The following DMD variants were observed in gnomAD, a reference collection of about 807,000 sequenced individuals.
DMD encodes the protein mutant dystrophin.
DMD carries 63 observed loss-of-function variants against 330.1 expected under a neutral mutation model. That is an observed-to-expected ratio of 0.19 (90% CI 0.16 to 0.24). The LOEUF (loss-of-function observed/expected upper bound fraction) is 0.24, where lower values mean the gene tolerates loss of function less well. Ranked by LOEUF, DMD falls within the 10% of genes least tolerant of loss-of-function variation. The pLI is 1.00. For missense variants in DMD, 3,344 were observed against 2,684.1 expected (o/e 1.25, Z -5.43); for synonymous variants, 1,223 against 959.8 (o/e 1.27, Z -5.07).
chrX:32,991,006 G>A, intron 2 of DMD, among the ~76,000 whole-genome samples: 1 of 111,039 alleles, frequency 9.0e-6, no homozygotes, highest in East Asian at 2.8e-4. Context: ...GGACCATTCT[G>A]GAGACTGCTT....
intron 1 of DMD, among the ~76,000 whole-genome samples, chrX:33,285,708 T>C (rs1240919169): frequency 8.9e-6 from 1 of 111,824 alleles, no homozygotes; most frequent in East Asian, 2.8e-4. Context: ...TGAGGCCTGA[T>C]TCAACTTGGA....
chrX:32,659,817 G>A (rs1052028229), intron 9 of DMD, among the ~76,000 whole-genome samples: 26 of 110,646 alleles, frequency 2.3e-4, no homozygotes, highest in African/African-American at 8.5e-4. Flanking sequence ...TCAATGCAGT[G>A]TTGGCTTCCC....
intron 7 of DMD, among the ~76,000 whole-genome samples, chrX:32,808,872 T>C (rs192050037): frequency 8.9e-6 from 1 of 112,052 alleles, no homozygotes; most frequent in Non-Finnish European, 1.9e-5. Flanking sequence ...TTATTATCTC[T>C]GTAATCTCTA....
intron 41 of DMD, among the ~76,000 whole-genome samples, chrX:32,312,045 A>C (rs1169037237): frequency 8.9e-6 from 1 of 111,887 alleles, no homozygotes; most frequent in African/African-American, 3.2e-5. Context: ...TAATGGTGCA[A>C]TTAAATCTGC....
At chrX:32,244,440 T>C (rs1342074958) in intron 43 of DMD, among the ~76,000 whole-genome samples, 206 of 64,874 alleles carry the variant, frequency 3.2e-3, no homozygotes, top group Non-Finnish European at 3.7e-3. Context: ...TGTGTCTTTA[T>C]AGCAGCATGA....
chrX:32,301,860 TAAAG>T (rs757606987), intron 42 of DMD, among the ~76,000 whole-genome samples: 4 of 111,094 alleles, frequency 3.6e-5, no homozygotes, highest in Non-Finnish European at 7.6e-5. Flanking sequence ...ACACATTTCA[TAAAG>T]AAACTAAAGC....
At chrX:31,886,040 T>C (rs1028932968) in intron 47 of DMD, among the ~76,000 whole-genome samples, 2 of 110,824 alleles carry the variant, frequency 1.8e-5, no homozygotes, top group African/African-American at 6.5e-5. Context: ...ATAACATAAG[T>C]TGTTATAAAG....
intron 61 of DMD, among the ~76,000 whole-genome samples, chrX:31,343,805 C>G (rs1278335233): frequency 9.1e-6 from 1 of 109,870 alleles, no homozygotes; most frequent in Non-Finnish European, 1.9e-5. Flanking sequence ...CCTGAAAGCA[C>G]ATTACTAAAC....
intron 9 of DMD, among the ~76,000 whole-genome samples, chrX:32,660,184 A>G (rs2060854380): frequency 9.1e-6 from 1 of 110,193 alleles, no homozygotes; most frequent in Admixed American, 9.7e-5. Flanking sequence ...AAAGTATGAA[A>G]CCTTTTGATA....
intron 63 of DMD, among the ~76,000 whole-genome samples, chrX:31,253,976 C>A (rs186974862): frequency 1.8e-5 from 2 of 111,844 alleles, no homozygotes; most frequent in Admixed American, 1.9e-4. Flanking sequence ...AAAAATTGGG[C>A]AACAGATTAA....
chrX:32,725,332 G>C (rs777153513), intron 7 of DMD, among the ~76,000 whole-genome samples: 8 of 110,318 alleles, frequency 7.3e-5, no homozygotes, highest in African/African-American at 2.6e-4. Context: ...TAGTCCATAG[G>C]TATATATATG....
At chrX:31,984,562 T>C (rs980939892) in intron 44 of DMD, among the ~76,000 whole-genome samples, 1 of 112,534 alleles carries the variant, frequency 8.9e-6, no homozygotes, top group African/African-American at 3.2e-5. Flanking sequence ...CAAACAAATA[T>C]GTTCAAAAGT....
intron 54 of DMD, among the ~76,000 whole-genome samples, chrX:31,630,932 C>G (rs1436271585): frequency 2.7e-5 from 3 of 111,591 alleles, no homozygotes; most frequent in Non-Finnish European, 3.8e-5. Flanking sequence ...ACAAAAATAG[C>G]TGAGAATTTG....
chrX:32,222,095 G>A (rs2097133839), intron 43 of DMD, among the ~76,000 whole-genome samples: 1 of 111,644 alleles, frequency 9.0e-6, no homozygotes, highest in South Asian at 3.7e-4. Flanking sequence ...CTTCCTCTAG[G>A]TACATAATCG....
intron 52 of DMD, among the ~76,000 whole-genome samples, chrX:31,696,469 T>C (rs764342612): frequency 3.9e-4 from 44 of 111,910 alleles, no homozygotes; most frequent in African/African-American, 1.4e-3. Flanking sequence ...AGGATAGTAG[T>C]CACCCTTGTG....
At chrX:32,875,667 A>C (rs1434015472) in intron 2 of DMD, among the ~76,000 whole-genome samples, 1 of 112,205 alleles carries the variant, frequency 8.9e-6, no homozygotes, top group East Asian at 2.8e-4. Context: ...AAATTAGTCA[A>C]AGCAACCAGA....
intron 50 of DMD, among the ~76,000 whole-genome samples, chrX:31,797,455 C>A (rs1357879803): frequency 9.0e-6 from 1 of 111,543 alleles, no homozygotes; most frequent in Non-Finnish European, 1.9e-5. Context: ...TAGCAAAGGG[C>A]AAAACAGTTA....
intron 62 of DMD, among the ~76,000 whole-genome samples, chrX:31,295,661 C>T (rs900889126): frequency 1.8e-5 from 2 of 112,021 alleles, no homozygotes. Context: ...GTGATCTGCC[C>T]GCCTTGGCCT....
Position 33,003,080 on chromosome X carries a change from T to G in DMD, c.93+17059A>C, listed in dbSNP as rs779858611. Among the ~76,000 whole-genome samples, 10 of 109,715 alleles carry G rather than the reference T, an allele frequency of 9.1e-5. No individual in the cohort carries two copies. In the South Asian group the frequency reaches 3.6e-3, roughly 39 times the overall value. On this transcript the variant is annotated intron_variant, in intron 2 of 78. Coordinates refer to ENST00000357033, the MANE Select transcript of DMD (RefSeq NM_004006.3). ...TTAGTGGTGATTTCCGAGATTTTGGTGCACCCATCACCTGAGAAGTATACA... is the reference window on the plus strand; with the variant it reads ...TTAGTGGTGATTTCCGAGATTTTGGGGCACCCATCACCTGAGAAGTATACA...
Sources: allele counts gnomAD v4.1 joint callset (sites outside exome capture counted in the v4.1 genomes callset), GRCh38; gene constraint gnomAD v4.1.1; transcripts MANE v1.5; gene names NCBI Gene and HGNC (gene_info 2026-07-23, HGNC 2026-07-21).